The following HERC1 variants were observed in gnomAD, a reference collection of about 807,000 sequenced individuals.
The protein encoded by HERC1 is HECT and RLD domain containing E3 ubiquitin protein ligase family member 1.
A neutral mutation model predicts 554.3 loss-of-function variants in HERC1; 160 were observed. The ratio of observed to expected loss-of-function variants is 0.29; its 90% CI spans 0.25 to 0.33. The LOEUF is 0.33. Among genes scored for constraint, HERC1 ranks in the 10% least tolerant of loss-of-function variants. The pLI, the probability that HERC1 is intolerant of heterozygous loss-of-function variation, is 1.00. For missense variants in HERC1, 4,919 were observed against 5,918.5 expected (o/e 0.83, Z 5.54); for synonymous variants, 2,175 against 2,131.7 (o/e 1.02, Z -0.56).
chr15:63,666,710 C>T (rs193030354), intron 40 of HERC1, among the ~76,000 whole-genome samples: 1 of 152,270 alleles, frequency 6.6e-6, no homozygotes, highest in Admixed American at 6.5e-5. Context: ...AAATAACCCA[C>T]TCCTCATCCA....
rs1190712762 is a variant in HERC1 at position 63,648,150 on chromosome 15, C to T, written c.10797G>A (p.Val3599=). ...AWFSEDRPFA[V]GYFDGKLLLG... ...GTAACAGTTTTCCATCAAAATATCC[C>T]ACTGCAAATGGTCTGTCTTCACTGA... is the stretch of plus-strand genomic sequence containing the variant. The change falls in exon 55 of 78, where the codon GTG becomes GTA. Residue 3599 remains valine, a synonymous_variant. Transcript: ENST00000443617. 5 of 1,597,062 alleles carry T rather than the reference C, an allele frequency of 3.1e-6. No individual in the cohort carries two copies. The East Asian group carries it at 9.0e-5, about 29-fold the overall frequency.
chr15:63,768,193 T>G (rs1017185650), intron 2 of HERC1, among the ~76,000 whole-genome samples: 1 of 152,242 alleles, frequency 6.6e-6, no homozygotes, highest in South Asian at 2.1e-4. Context: ...GCTATTAACC[T>G]GCTGCTGCCA....
rs1423017299 is a variant in HERC1 at position 63,764,154 on chromosome 15, G to T, written c.968C>A (p.Thr323Asn). 6.2e-7 allele frequency: 1 copy of T among 1,611,256 alleles called. No homozygotes were observed. The highest frequency in any genetic ancestry group is 8.5e-7 in the Non-Finnish European group (1 of 1,178,728). The part of the protein sequence containing the change: ...SADRSQWREP[T>N]RTSDGLCSLY... ...GGAGCACAAGCCATCCGATGTTCTG[G>T]TTGGTTCTCTCCACTGACTCCGATC... is the stretch of plus-strand genomic sequence containing the variant. Residue 323 changes from threonine to asparagine, a missense_variant, in exon 3 of 78, where the codon ACC (threonine) becomes AAC (asparagine). Physicochemically the swap from Thr to Asn is moderately conservative, Grantham distance 65. This residue lies in a region of HERC1 where 744 missense variants were observed against 1,090.0 expected (regional missense o/e 0.68). Transcript: ENST00000443617.
Position 63,656,349 on chromosome 15 carries a change from A to G in HERC1, c.9609T>C (p.Ser3203=), listed in dbSNP as rs753637823. 10 of 1,606,498 alleles carry G rather than the reference A, an allele frequency of 6.2e-6. No individual in the cohort carries two copies. Among genetic ancestry groups the G allele is most frequent in the South Asian group, 1.1e-5 (1 of 91,016 alleles). ...ALSLLSVSGS[S]CSLAAGLESL... Reference sequence around the variant, plus strand: ...ACTCAAGACCAGCAGCCAGGCTACAACTGGAACCACTGCCAGTAAAGAAAA... The same window carrying G: ...ACTCAAGACCAGCAGCCAGGCTACAGCTGGAACCACTGCCAGTAAAGAAAA... Residue 3203 remains serine, a synonymous_variant, in exon 49 of 78, where the codon AGT becomes AGC. Coordinates refer to ENST00000443617, the MANE Select transcript of HERC1 (RefSeq NM_003922.4).
chr15:63,753,129 C>T, intron 7 of HERC1, 44 bp from the exon 8 acceptor site: 1 of 1,467,722 alleles, frequency 6.8e-7, no homozygotes, highest in Non-Finnish European at 9.2e-7. Context: ...TTTTAAAGAA[C>T]CTCTACTCTT....
intron 1 of HERC1, among the ~76,000 whole-genome samples, chr15:63,797,627 T>C (rs773241629): frequency 6.6e-6 from 1 of 152,120 alleles, no homozygotes; most frequent in African/African-American, 2.4e-5. Context: ...TTTGGGGAAA[T>C]ACATCAATTT....
intron 1 of HERC1, among the ~76,000 whole-genome samples, chr15:63,777,040 C>G (rs2076139020): frequency 6.6e-6 from 1 of 152,086 alleles, no homozygotes; most frequent in Admixed American, 6.5e-5. Flanking sequence ...GGGAAGGTGT[C>G]TCTCAAGCAA....
Position 63,672,735 on chromosome 15 carries a change from G to C in HERC1, c.7847-41C>G, listed in dbSNP as rs766066393. The C allele has an allele frequency of 7.8e-6, 11 of 1,404,282 alleles. No individual in the cohort carries two copies. In the South Asian group the frequency reaches 1.4e-4, roughly 18 times the overall value. 87.0% of individuals were successfully genotyped at this position (1,404,282 alleles called of 1,614,324 possible). On this transcript the variant is annotated intron_variant, in intron 38 of 77. Coordinates refer to ENST00000443617, the MANE Select transcript of HERC1 (RefSeq NM_003922.4). ...AAGGTTAAGAAAGTAGTAAGGATTT[G>C]TTTTTTCAAAAATAACAGCGGGAAT...
intron 34 of HERC1, among the ~76,000 whole-genome samples, chr15:63,682,406 G>A (rs1178329344): frequency 1.3e-5 from 2 of 152,118 alleles, no homozygotes; most frequent in African/African-American, 4.8e-5. Context: ...GGCTTTAGAT[G>A]AGCCAGAGTA....
Position 63,734,700 on chromosome 15 carries a change from C to T in HERC1, c.2646+24G>A. On this transcript the variant is annotated intron_variant, in intron 13 of 77. Transcript: ENST00000443617. This position sits in a 1 kb window ranked among gnomAD's most constrained non-coding sequence, Gnocchi z 4.6. ...AAATTTTTAGGATACTACTGGTTTACTTACACAGCAAGCAAAGGCCTACCT... is the reference window on the plus strand; with the variant it reads ...AAATTTTTAGGATACTACTGGTTTATTTACACAGCAAGCAAAGGCCTACCT... The T allele has an allele frequency of 2.0e-6, 3 of 1,516,514 alleles. No homozygotes were observed. The highest frequency in any genetic ancestry group is 2.6e-6 in the Non-Finnish European group (3 of 1,140,764). The allele number at this position is 1,516,514 out of a possible 1,614,324, so 93.9% of individuals were successfully genotyped here. A position where few individuals can be genotyped will look rare whatever the true frequency, so the allele number is the denominator to read the frequency against.
chr15:63,694,456 A>G lies in HERC1; in HGVS notation c.5336T>C (p.Leu1779Pro). 6.2e-7 allele frequency: 1 copy of G among 1,614,074 alleles called. No individual in the cohort carries two copies. Among genetic ancestry groups the G allele is most frequent in the Non-Finnish European group, 8.5e-7 (1 of 1,179,892 alleles). Residue 1779 changes from leucine (L) to proline (P), a missense_variant, in exon 29 of 78, where the codon CTA becomes CCA. By Grantham distance (98) the Leu-to-Pro change is moderately conservative (BLOSUM62 -3). Transcript: ENST00000443617. This position sits in a 1 kb window ranked among gnomAD's most constrained non-coding sequence, Gnocchi z 4.3. ...ACCACACAACTGTGACAATACGTTTAGCAGACCAGTGGAAATTGCCAAAGA... is the reference window on the plus strand; with the variant it reads ...ACCACACAACTGTGACAATACGTTTGGCAGACCAGTGGAAATTGCCAAAGA... ...DVSLAISTGL[L>P]NVLSQLCGTD... is the part of the protein sequence containing the mutation.
In HERC1 at chr15:63,804,066, C is replaced by T. The variant is rs532586955; in HGVS notation, c.-26-28417G>A. 1.1e-4 allele frequency among the ~76,000 whole-genome samples: 16 copies of T among 152,126 alleles called. No homozygotes were observed. The South Asian group carries it at 2.9e-3, about 28-fold the overall frequency. ...AATCTTTTCAACAAAAGGTGCTGGA[C>T]CAACTGAATATGCAAACAGGAAAAA... On this transcript the variant is annotated intron_variant, in intron 1 of 77. Coordinates refer to ENST00000443617, the MANE Select transcript of HERC1 (RefSeq NM_003922.4).
At chr15:63,688,433 A>C (rs201594188) in intron 33 of HERC1, among the ~76,000 whole-genome samples, 2,014 of 152,322 alleles carry the variant, frequency 0.013, 22 homozygotes, top group East Asian at 0.022. Flanking sequence ...GAAGATGGGA[A>C]TATAAGTCTA....
At chr15:63,738,765 T>C (rs937327695) in intron 12 of HERC1, among the ~76,000 whole-genome samples, 4 of 152,216 alleles carry the variant, frequency 2.6e-5, no homozygotes, top group Non-Finnish European at 5.9e-5. Flanking sequence ...TAAGATGCAA[T>C]GGCTGTCAAA....
Position 63,723,334 on chromosome 15 carries a change from A to C in HERC1, c.3590T>G (p.Leu1197Ter). ...TTCATTTCCAGAAAGTGCTACTTCTAACAGGCAACTCATACATTTATCTAA... is the reference window on the plus strand; with the variant it reads ...TTCATTTCCAGAAAGTGCTACTTCTCACAGGCAACTCATACATTTATCTAA... ...PQLDKCMSCL[L>*]EVALSGNEEQ... Residue 1197 changes from leucine to a stop codon, truncating the protein, a stop_gained, in exon 19 of 78, where the codon TTA becomes TGA. Transcript: ENST00000443617. LOFTEE classifies it high-confidence loss of function. 1 of 1,586,172 alleles carries C rather than the reference A, an allele frequency of 6.3e-7. No individual in the cohort carries two copies. Among genetic ancestry groups the C allele is most frequent in the Non-Finnish European group, 8.6e-7 (1 of 1,165,824 alleles).
intron 3 of HERC1, among the ~76,000 whole-genome samples, chr15:63,759,869 T>G (rs1202427725): frequency 6.6e-6 from 1 of 152,218 alleles, no homozygotes; most frequent in Non-Finnish European, 1.5e-5. Context: ...TAGAATAATA[T>G]GTGTGTTAGA....
At chr15:63,626,268 A>C in intron 70 of HERC1, 114 bp from the exon 71 acceptor site, 1 of 944,816 alleles carries the variant, frequency 1.1e-6, no homozygotes, top group Middle Eastern at 3.1e-4. Context: ...ATGGACACCC[A>C]TTCAAACCTC....
At position 63,675,090 on chromosome 15, in the gene HERC1, A is replaced by ATAG; in HGVS notation, c.7097_7098insCTA (p.Asp2366_Thr2367insTyr). ...AGGGTTCCAGATTATACAATGGAGT[A>ATAG]TCACTAGGCGACCAAAAAGTTGGGA... is the stretch of plus-strand genomic sequence containing the variant. On this transcript the variant is annotated inframe_insertion, in exon 38 of 78. Coordinates refer to ENST00000443617, the MANE Select transcript of HERC1 (RefSeq NM_003922.4). The ATAG allele has an allele frequency of 6.3e-7, 1 of 1,592,808 alleles. No homozygotes were observed. Among genetic ancestry groups the ATAG allele is most frequent in the Non-Finnish European group, 8.6e-7 (1 of 1,167,522 alleles).
rs1282896223 is a variant in HERC1 at position 63,661,737 on chromosome 15, C to T, written c.9170+16G>A. ...TATCTTCAGGAGGTCTGGATATCTA[C>T]ACAATTTCAAGGTACCTTTCAGAAC... On this transcript the variant is annotated intron_variant, in intron 45 of 77. Coordinates refer to ENST00000443617, the MANE Select transcript of HERC1 (RefSeq NM_003922.4). 1.2e-6 allele frequency: 2 copies of T among 1,612,650 alleles called. No homozygotes were observed. The highest frequency in any genetic ancestry group is 2.2e-5 in the East Asian group (1 of 44,870).
Sources: gnomAD v4.1 joint callset for allele counts (sites outside exome capture counted in the v4.1 genomes callset) on GRCh38, gnomAD v4.1.1 for gene constraint, gnomAD v4.1.1 regional missense constraint, Gnocchi (gnomAD v3.1) non-coding constraint, MANE v1.5 for transcripts, NCBI Gene and HGNC (gene_info 2026-07-23, HGNC 2026-07-21) for gene names.